Variants in AKAP13 observed in about 807,000 individuals in gnomAD.
The protein encoded by AKAP13 is A-kinase anchor protein 13.
In AKAP13, 80 loss-of-function variants were observed where a neutral mutation model predicts 264.5. The ratio of observed to expected loss-of-function variants is 0.30; its 90% CI spans 0.25 to 0.36. The LOEUF (loss-of-function observed/expected upper bound fraction) is 0.36, where lower values mean the gene tolerates loss of function less well. Ranked by LOEUF, AKAP13 falls within the 10% of genes least tolerant of loss-of-function variation. The pLI is 1.00. For synonymous variants in AKAP13, 1,380 were observed against 1,250.2 expected (o/e 1.10, Z -2.19); for missense variants, 3,712 against 3,435.2 (o/e 1.08, Z -2.01).
At chr15:85,588,072 C>T (rs2079434219) in intron 8 of AKAP13, among the ~76,000 whole-genome samples, 1 of 152,134 alleles carries the variant, frequency 6.6e-6, no homozygotes, top group Non-Finnish European at 1.5e-5. Flanking sequence ...CATGCTGCCC[C>T]TTTGAAAGTC....
At chr15:85,432,956 A>G (rs563084754) in intron 1 of AKAP13, among the ~76,000 whole-genome samples, 73 of 152,128 alleles carry the variant, frequency 4.8e-4, no homozygotes, top group African/African-American at 1.7e-3. Context: ...AGAAAGAAAA[A>G]AAAATATACA....
Position 85,741,443 on chromosome 15 carries a change from G to A in AKAP13, c.8006G>A (p.Arg2669His), listed in dbSNP as rs746154680. 5.0e-6 allele frequency: 8 copies of A among 1,608,704 alleles called. 1 individual carries two copies. Among genetic ancestry groups the A allele is most frequent in the African/African-American group, 2.7e-5 (2 of 74,954 alleles). ...CTTGAGAGGGAACAGGAGCAGCTGC[G>A]CCGGGAGGCAGAGCGGCTCAGCCAG... The part of the protein sequence containing the change: ...KQLEREQEQL[R>H]REAERLSQRQ... The change falls in exon 35 of 37, where the codon CGC (arginine) becomes CAC (histidine). Residue 2669 changes from arginine to histidine, a missense_variant. By Grantham distance (29) the Arg-to-His change is conservative (BLOSUM62 0). Coordinates refer to ENST00000394518, the MANE Select transcript of AKAP13 (RefSeq NM_007200.5).
chr15:85,444,616 A>T (rs1380053951), intron 1 of AKAP13, among the ~76,000 whole-genome samples: 2 of 152,164 alleles, frequency 1.3e-5, no homozygotes, highest in Non-Finnish European at 2.9e-5. Flanking sequence ...AAAAAACTCA[A>T]TGTAATCTTT....
chr15:85,549,219 A>T (rs1596495213), intron 5 of AKAP13, among the ~76,000 whole-genome samples: 1 of 152,206 alleles, frequency 6.6e-6, no homozygotes, highest in Non-Finnish European at 1.5e-5. Context: ...AAATAAAATT[A>T]GTTTGGCCCT....
At chr15:85,640,643 T>G (rs1043336689) in intron 9 of AKAP13, among the ~76,000 whole-genome samples, 1 of 152,194 alleles carries the variant, frequency 6.6e-6, no homozygotes, top group African/African-American at 2.4e-5. Flanking sequence ...TAGCTGACAC[T>G]TCCCCCATGT....
chr15:85,585,661 A>ATTAAAAT, intron 7 of AKAP13, 41 bp from the exon 8 acceptor site: 1 of 1,612,438 alleles, frequency 6.2e-7, no homozygotes, highest in Non-Finnish European at 8.5e-7. Context: ...CACAGGAATC[A>ATTAAAAT]GTTTTTAAAA....
At chr15:85,744,383 T>A (rs1310613538) in intron 36 of AKAP13, 7 of 494,112 alleles carry the variant, frequency 1.4e-5, no homozygotes, top group Non-Finnish European at 2.2e-5. Context: ...AAAAGTACAT[T>A]TTCCTGGCCT....
In AKAP13 at chr15:85,581,932, C is replaced by A; in HGVS notation, c.3864C>A (p.Leu1288=). The change falls in exon 7 of 37, where the codon CTC becomes CTA. Residue 1288 remains leucine (L), a synonymous_variant. Coordinates refer to ENST00000394518, the MANE Select transcript of AKAP13 (RefSeq NM_007200.5). ...TGTCCAGCCCTGAGTTGGGTCCTCT[C>A]ACTAAAGGACTAGAGAGTGCTTTTA... ...MSLSSPELGP[L]TKGLESAFTE... is the part of the protein sequence containing the mutation. 1 of 1,614,182 alleles carries A rather than the reference C, an allele frequency of 6.2e-7. No individual in the cohort carries two copies. The highest frequency in any genetic ancestry group is 1.3e-5 in the African/African-American group (1 of 75,042).
intron 30 of AKAP13, 88 bp downstream of exon 30, chr15:85,730,795 T>C: frequency 8.2e-7 from 1 of 1,223,080 alleles, no homozygotes; most frequent in South Asian, 1.5e-5. Flanking sequence ...ACTTTTTTAC[T>C]TTAAAGCACA....
intron 1 of AKAP13, among the ~76,000 whole-genome samples, chr15:85,409,991 G>A (rs2071882420): frequency 6.6e-6 from 1 of 151,558 alleles, no homozygotes. Flanking sequence ...TGCTTTTATA[G>A]TAACTTTACT....
At chr15:85,472,362 A>G (rs941946055) in intron 1 of AKAP13, among the ~76,000 whole-genome samples, 1 of 151,724 alleles carries the variant, frequency 6.6e-6, no homozygotes, top group Non-Finnish European at 1.5e-5. Context: ...AAAAACAAAG[A>G]CAACAACTCA....
intron 1 of AKAP13, among the ~76,000 whole-genome samples, chr15:85,385,107 C>T (rs144561178): frequency 1.3e-5 from 2 of 152,212 alleles, no homozygotes; most frequent in Non-Finnish European, 2.9e-5. Flanking sequence ...TGAGTAGTTA[C>T]AACAGAGACC....
chr15:85,389,039 C>T (rs1448890614), intron 1 of AKAP13, among the ~76,000 whole-genome samples: 1 of 152,206 alleles, frequency 6.6e-6, no homozygotes, highest in African/African-American at 2.4e-5. Flanking sequence ...GGACTCTATT[C>T]TGGCAGTTGA....
chr15:85,727,787 C>T lies in AKAP13; in HGVS notation c.7087+324C>T, dbSNP rs1321034315. ...AATTTGCCAAAATTTGTAGTCACATCTAAGATTAAAACAAGGAGAGAAAGG... is the reference window on the plus strand; with the variant it reads ...AATTTGCCAAAATTTGTAGTCACATTTAAGATTAAAACAAGGAGAGAAAGG... On this transcript the variant is annotated intron_variant, in intron 29 of 36. Transcript: ENST00000394518. This position sits in a 1 kb window ranked among gnomAD's most constrained non-coding sequence, Gnocchi z 5.3. Among the ~76,000 whole-genome samples the T allele has an allele frequency of 6.6e-6, 1 of 152,176 alleles. No individual in the cohort carries two copies. The highest frequency in any genetic ancestry group is 2.4e-5 in the African/African-American group (1 of 41,426).
At position 85,619,216 on chromosome 15, in the gene AKAP13, C is replaced by T. The variant is rs763393399; in HGVS notation, c.4162-20158C>T. ...GGAAGCCTTGTTTTTCTCTTCGTCT[C>T]GGTAGATGAATCATGTTCCCACAAC... On this transcript the variant is annotated intron_variant, in intron 8 of 36. Coordinates refer to ENST00000394518, the MANE Select transcript of AKAP13 (RefSeq NM_007200.5). The T allele has an allele frequency of 3.5e-5, 9 of 253,924 alleles. No homozygotes were observed. The South Asian group carries it at 5.9e-4, about 17-fold the overall frequency. The allele number at this position is 253,924 out of a possible 1,614,324, so 15.7% of individuals were successfully genotyped here. A position where few individuals can be genotyped will look rare whatever the true frequency, so the allele number is the denominator to read the frequency against.
intron 1 of AKAP13, among the ~76,000 whole-genome samples, chr15:85,434,585 A>G (rs1429811163): frequency 6.6e-6 from 1 of 151,876 alleles, no homozygotes; most frequent in East Asian, 1.9e-4. Flanking sequence ...GACAGCTTTG[A>G]AGAGAGCAGT....
At chr15:85,618,038 G>A (rs1337120053) in intron 8 of AKAP13, among the ~76,000 whole-genome samples, 2 of 152,200 alleles carry the variant, frequency 1.3e-5, no homozygotes, top group Non-Finnish European at 2.9e-5. Context: ...GAAGGGGAGG[G>A]GTTGTCCGCC....
At chr15:85,694,455 C>T (rs1179781011) in intron 17 of AKAP13, among the ~76,000 whole-genome samples, 2 of 152,198 alleles carry the variant, frequency 1.3e-5, no homozygotes, top group African/African-American at 4.8e-5. Context: ...AGTGTGATTC[C>T]AATAAAACTT....
chr15:85,481,932 C>T (rs1331902840), intron 1 of AKAP13, among the ~76,000 whole-genome samples: 1 of 152,162 alleles, frequency 6.6e-6, no homozygotes, highest in Non-Finnish European at 1.5e-5. Context: ...TGATGTGTTT[C>T]TTTAATTTTC....
Sources: gnomAD v4.1 joint callset for allele counts (sites outside exome capture counted in the v4.1 genomes callset) on GRCh38, gnomAD v4.1.1 for gene constraint, Gnocchi (gnomAD v3.1) non-coding constraint, MANE v1.5 for transcripts, NCBI Gene and HGNC (gene_info 2026-07-23, HGNC 2026-07-21) for gene names.